The following SLC25A13 variants were observed in gnomAD, a reference collection of about 807,000 sequenced individuals.
The protein encoded by SLC25A13 is solute carrier family 25 member 13.
Under a neutral mutation model 85.5 loss-of-function variants are expected in SLC25A13, and 70 were observed. That is an observed-to-expected ratio of 0.82 (90% CI 0.68 to 1.00). The LOEUF (loss-of-function observed/expected upper bound fraction) is 1.00, where lower values mean the gene tolerates loss of function less well. Ranked by LOEUF, SLC25A13 falls within the 50% of genes least tolerant of loss-of-function variation. The pLI, the probability that SLC25A13 is intolerant of heterozygous loss-of-function variation, is 0.00. For synonymous variants in SLC25A13, 259 were observed against 288.7 expected (o/e 0.90, Z 1.04); for missense variants, 765 against 819.8 (o/e 0.93, Z 0.82).
intron 5 of SLC25A13, among the ~76,000 whole-genome samples, chr7:96,204,076 A>G (rs1373621964): frequency 6.6e-6 from 1 of 152,198 alleles, no homozygotes; most frequent in East Asian, 1.9e-4. Context: ...TTGGAAACAT[A>G]ATGAAAGCTA....
chr7:96,258,097 C>T (rs1171458955), intron 3 of SLC25A13, among the ~76,000 whole-genome samples: 5 of 152,090 alleles, frequency 3.3e-5, no homozygotes, highest in Non-Finnish European at 5.9e-5. Flanking sequence ...TTACGACAAA[C>T]GGACAGCCAA....
chr7:96,136,394 G>C (rs892549717), intron 14 of SLC25A13, among the ~76,000 whole-genome samples: 1 of 152,190 alleles, frequency 6.6e-6, no homozygotes, highest in African/African-American at 2.4e-5. Flanking sequence ...CAATTCTCAA[G>C]TTGCTAGGAT....
intron 9 of SLC25A13, among the ~76,000 whole-genome samples, chr7:96,185,239 T>A (rs779886931): frequency 1.3e-5 from 2 of 152,078 alleles, no homozygotes; most frequent in Non-Finnish European, 1.5e-5. Context: ...ATCAAAACCA[T>A]CCTTTGACAA....
chr7:96,316,040 C>A (rs866203551), intron 1 of SLC25A13, among the ~76,000 whole-genome samples: 1 of 151,918 alleles, frequency 6.6e-6, no homozygotes, highest in South Asian at 2.1e-4. Flanking sequence ...GGGAGGATCT[C>A]TTGTATCCAC....
At chr7:96,163,480 G>GTC (rs1793599617) in intron 13 of SLC25A13, among the ~76,000 whole-genome samples, 1 of 152,118 alleles carries the variant, frequency 6.6e-6, no homozygotes, top group Non-Finnish European at 1.5e-5. Flanking sequence ...GCTGAGCCCC[G>GTC]TCAATCCATA....
intron 3 of SLC25A13, among the ~76,000 whole-genome samples, chr7:96,236,389 C>T (rs1796745088): frequency 6.6e-6 from 1 of 151,770 alleles, no homozygotes; most frequent in Non-Finnish European, 1.5e-5. Flanking sequence ...TTACCACCAG[C>T]TGTTTGGAGG....
At chr7:96,143,960 G>A (rs542699070) in intron 14 of SLC25A13, among the ~76,000 whole-genome samples, 44 of 152,282 alleles carry the variant, frequency 2.9e-4, no homozygotes, top group African/African-American at 1.0e-3. Flanking sequence ...CCCACCTGGA[G>A]GGACACATAC....
chr7:96,183,131 G>A (rs1025516708), intron 11 of SLC25A13, among the ~76,000 whole-genome samples: 143 of 152,268 alleles, frequency 9.4e-4, no homozygotes, highest in African/African-American at 3.4e-3. Flanking sequence ...CTTCCAAATT[G>A]TAAGAAGAGG....
At chr7:96,283,501 C>T in intron 2 of SLC25A13, 1 of 399,306 alleles carries the variant, frequency 2.5e-6, no homozygotes, top group Non-Finnish European at 4.9e-6. Flanking sequence ...GAGTACTGTT[C>T]AAAAAGGAAT....
intron 10 of SLC25A13, 172 bp from the exon 11 acceptor site, chr7:96,184,607 T>G: frequency 1.5e-6 from 1 of 681,292 alleles, no homozygotes; most frequent in Non-Finnish European, 2.5e-6. Context: ...TTGAGGGTTT[T>G]CATTCAAGTA....
intron 9 of SLC25A13, among the ~76,000 whole-genome samples, chr7:96,186,365 G>A (rs879715144): frequency 1.3e-4 from 19 of 151,588 alleles, no homozygotes; most frequent in Admixed American, 3.9e-4. Flanking sequence ...GGAGGCGGAG[G>A]CTGCAGTGAG....
At chr7:96,215,090 A>G (rs1795838223) in intron 4 of SLC25A13, among the ~76,000 whole-genome samples, 3 of 152,172 alleles carry the variant, frequency 2.0e-5, no homozygotes, top group Admixed American at 2.0e-4. Flanking sequence ...AATTCAGAAG[A>G]GCCAAAACAA....
At chr7:96,147,306 TG>T (rs1368848735) in intron 13 of SLC25A13, among the ~76,000 whole-genome samples, 1 of 152,218 alleles carries the variant, frequency 6.6e-6, no homozygotes, top group Admixed American at 6.5e-5. Flanking sequence ...TTAAAATTTT[TG>T]TTTATGTATT....
At chr7:96,195,240 A>G (rs1795015637) in intron 5 of SLC25A13, among the ~76,000 whole-genome samples, 1 of 152,154 alleles carries the variant, frequency 6.6e-6, no homozygotes, top group Non-Finnish European at 1.5e-5. Context: ...TCTCTCTTCT[A>G]TGTTCACAGC....
Position 96,289,629 on chromosome 7 carries a change from C to T in SLC25A13, c.69+7269G>A, listed in dbSNP as rs150202795. Among the ~76,000 whole-genome samples, 389 of 152,064 alleles carry T rather than the reference C, an allele frequency of 2.6e-3. 3 individuals are homozygous for T. The highest frequency in any genetic ancestry group is 4.6e-3 in the Non-Finnish European group (316 of 68,004). ...TGACAAATGCACAAGCTTCAGTAGC[C>T]GATTCGATCAACTGGAAGAAAGGGT... On this transcript the variant is annotated intron_variant, in intron 2 of 17. Coordinates refer to ENST00000265631, the MANE Select transcript of SLC25A13 (RefSeq NM_014251.3).
At chr7:96,255,424 A>G (rs909290468) in intron 3 of SLC25A13, among the ~76,000 whole-genome samples, 1 of 152,242 alleles carries the variant, frequency 6.6e-6, no homozygotes, top group African/African-American at 2.4e-5. Flanking sequence ...GGTAGCTCAC[A>G]CTTGTAGTTC....
intron 11 of SLC25A13, among the ~76,000 whole-genome samples, chr7:96,181,740 A>G (rs1018670916): frequency 4.6e-5 from 7 of 152,208 alleles, no homozygotes; most frequent in Non-Finnish European, 8.8e-5. Context: ...TGTAATACTA[A>G]AAACTATGCT....
At chr7:96,303,544 T>A (rs935438996) in intron 1 of SLC25A13, among the ~76,000 whole-genome samples, 2 of 152,184 alleles carry the variant, frequency 1.3e-5, no homozygotes, top group Non-Finnish European at 2.9e-5. Flanking sequence ...TATCTTCCTA[T>A]ACTAAAGACA....
chr7:96,300,193 T>C (rs1233909123), intron 1 of SLC25A13, among the ~76,000 whole-genome samples: 2 of 152,118 alleles, frequency 1.3e-5, no homozygotes, highest in Non-Finnish European at 2.9e-5. Context: ...GAGGATCACT[T>C]GAGCCCTGGA....
Sources: gnomAD v4.1 joint callset for allele counts (sites outside exome capture counted in the v4.1 genomes callset) on GRCh38, gnomAD v4.1.1 for gene constraint, MANE v1.5 for transcripts, NCBI Gene and HGNC (gene_info 2026-07-23, HGNC 2026-07-21) for gene names.